LIN28B: variants seen among roughly 807,000 people sequenced by gnomAD.
LIN28B encodes the protein lin-28 RNA binding posttranscriptional regulator B, also known as protein lin-28 homolog B.
Under a neutral mutation model 21.9 loss-of-function variants are expected in LIN28B, and 5 were observed. That is an observed-to-expected ratio of 0.23 (90% CI 0.12 to 0.48). The LOEUF (loss-of-function observed/expected upper bound fraction) is 0.48. Ranked by LOEUF, LIN28B falls within the 20% of genes least tolerant of loss-of-function variation. The pLI, the probability that LIN28B is intolerant of heterozygous loss-of-function variation, is 0.98. For missense variants in LIN28B, 245 were observed against 310.5 expected (o/e 0.79, Z 1.58); for synonymous variants, 109 against 111.3 (o/e 0.98, Z 0.13).
chr6:105,064,864 C>T (rs1197142943), intron 3 of LIN28B, among the ~76,000 whole-genome samples: 8 of 152,018 alleles, frequency 5.3e-5, no homozygotes, highest in Non-Finnish European at 1.0e-4. Context: ...TAGAGGGTGA[C>T]CAAAGGAGAT....
chr6:104,985,140 T>C (rs1562081696), intron 2 of LIN28B, among the ~76,000 whole-genome samples: 1 of 152,222 alleles, frequency 6.6e-6, no homozygotes, highest in Non-Finnish European at 1.5e-5. Flanking sequence ...AAAAATATTT[T>C]TGTCTTACTC....
At chr6:105,010,912 T>C (rs989091010) in intron 2 of LIN28B, among the ~76,000 whole-genome samples, 1 of 152,196 alleles carries the variant, frequency 6.6e-6, no homozygotes, top group South Asian at 2.1e-4. Flanking sequence ...TTTTTCCTAC[T>C]ATAAGTTAAT....
At chr6:105,030,079 A>G (rs1209061558) in intron 3 of LIN28B, among the ~76,000 whole-genome samples, 1 of 152,190 alleles carries the variant, frequency 6.6e-6, no homozygotes, top group Admixed American at 6.5e-5. Flanking sequence ...TTAATATCTA[A>G]TAATTTCCAA....
At chr6:104,962,117 TCTC>T (rs1468403007) in intron 2 of LIN28B, among the ~76,000 whole-genome samples, 12 of 152,260 alleles carry the variant, frequency 7.9e-5, no homozygotes, top group African/African-American at 2.6e-4. Context: ...CTTATTACTC[TCTC>T]CTCAGCTTAT....
intron 3 of LIN28B, among the ~76,000 whole-genome samples, chr6:105,055,319 C>T (rs1033047574): frequency 6.6e-6 from 1 of 152,154 alleles, no homozygotes; most frequent in Non-Finnish European, 1.5e-5. Context: ...TTCATATTGT[C>T]CCTCGTGTCA....
chr6:105,025,657 CTGTT>C (rs1771272781), intron 2 of LIN28B, among the ~76,000 whole-genome samples: 1 of 152,122 alleles, frequency 6.6e-6, no homozygotes, highest in Admixed American at 6.6e-5. Flanking sequence ...CTGCATGTGC[CTGTT>C]ATCTCAGCTA....
intron 2 of LIN28B, among the ~76,000 whole-genome samples, chr6:105,025,662 A>G (rs1317413422): frequency 6.6e-6 from 1 of 152,212 alleles, no homozygotes; most frequent in East Asian, 1.9e-4. Flanking sequence ...TGTGCCTGTT[A>G]TCTCAGCTAC....
intron 2 of LIN28B, among the ~76,000 whole-genome samples, chr6:104,999,843 G>A (rs1175804360): frequency 2.0e-5 from 3 of 152,070 alleles, no homozygotes; most frequent in Non-Finnish European, 2.9e-5. Context: ...ACCATGCCTG[G>A]CAAATTTTGT....
At chr6:104,993,794 C>T (rs1770542963) in intron 2 of LIN28B, among the ~76,000 whole-genome samples, 2 of 146,220 alleles carry the variant, frequency 1.4e-5, no homozygotes, top group South Asian at 4.4e-4. Flanking sequence ...GAGATTGAGT[C>T]ACTGCACTTC....
chr6:104,973,585 C>T (rs1770022885), intron 2 of LIN28B, among the ~76,000 whole-genome samples: 1 of 152,168 alleles, frequency 6.6e-6, no homozygotes, highest in Non-Finnish European at 1.5e-5. Context: ...TTAGAGATAC[C>T]AGGAAAAAGC....
intron 3 of LIN28B, among the ~76,000 whole-genome samples, chr6:105,058,505 A>G (rs1332786711): frequency 6.6e-6 from 1 of 152,158 alleles, no homozygotes; most frequent in East Asian, 1.9e-4. Context: ...GATTGTTGCT[A>G]GTGTTCTGTA....
chr6:104,986,639 G>T (rs1218702233), intron 2 of LIN28B, among the ~76,000 whole-genome samples: 2 of 151,556 alleles, frequency 1.3e-5, no homozygotes, highest in Non-Finnish European at 2.9e-5. Context: ...TGCTCAATTT[G>T]TGACAGCTAG....
chr6:105,078,356 T>C, intron 3 of LIN28B, 58 bp from the exon 4 acceptor site: 1 of 1,484,528 alleles, frequency 6.7e-7, no homozygotes, highest in Non-Finnish European at 9.1e-7. Context: ...CATTTTAAAA[T>C]GTGTTTTTGG....
intron 3 of LIN28B, among the ~76,000 whole-genome samples, chr6:105,032,207 A>G (rs941896177): frequency 6.6e-5 from 10 of 152,150 alleles, no homozygotes; most frequent in African/African-American, 1.7e-4. Flanking sequence ...AGTTGTGACA[A>G]TTATGAATAG....
At chr6:105,030,612 T>TTTTC (rs1562099097) in intron 3 of LIN28B, among the ~76,000 whole-genome samples, 5 of 147,374 alleles carry the variant, frequency 3.4e-5, no homozygotes, top group African/African-American at 1.3e-4. Context: ...TTTTTTTTTT[T>TTTTC]TGGAGACAGA....
upstream of LIN28B, among the ~76,000 whole-genome samples, chr6:104,954,179 G>A (rs570197303): frequency 5.3e-5 from 8 of 152,094 alleles, no homozygotes; most frequent in Middle Eastern, 9.5e-3. Flanking sequence ...CCCCTTTTGA[G>A]TCAAACACAG....
At chr6:105,043,588 G>GTT (rs557033563) in intron 3 of LIN28B, among the ~76,000 whole-genome samples, 13 of 140,770 alleles carry the variant, frequency 9.2e-5, no homozygotes, top group Non-Finnish European at 1.4e-4. Context: ...TTTGTTTATG[G>GTT]TTTTTTTTTT....
At chr6:105,058,152 G>C (rs1322970289) in intron 3 of LIN28B, 2 of 325,750 alleles carry the variant, frequency 6.1e-6, no homozygotes, top group Non-Finnish European at 1.2e-5. Context: ...AGAGGTACTT[G>C]TACCAACTGG....
chr6:104,984,166 T>A (rs895292593), intron 2 of LIN28B, among the ~76,000 whole-genome samples: 12 of 152,342 alleles, frequency 7.9e-5, no homozygotes, highest in Admixed American at 1.3e-4. Context: ...TTTCTCTGAA[T>A]AAGTGATTTT....
Sources: allele counts gnomAD v4.1 joint callset (sites outside exome capture counted in the v4.1 genomes callset), GRCh38; gene constraint gnomAD v4.1.1; transcripts MANE v1.5; gene names NCBI Gene and HGNC (gene_info 2026-07-23, HGNC 2026-07-21).